CNIH3: variants seen among roughly 807,000 people sequenced by gnomAD.
The protein encoded by CNIH3 is protein cornichon homolog 3.
CNIH3 carries 14 observed loss-of-function variants against 24.1 expected under a neutral mutation model. That is an observed-to-expected ratio of 0.58 (90% CI 0.38 to 0.91). The LOEUF (loss-of-function observed/expected upper bound fraction) is 0.91. Ranked by LOEUF, CNIH3 falls within the 40% of genes least tolerant of loss-of-function variation. The probability of loss-of-function intolerance (pLI) is 0.00; values close to 1 mark genes in which losing one functional copy is unlikely to be tolerated. For synonymous variants in CNIH3, 68 were observed against 73.8 expected, an observed-to-expected ratio of 0.92 and a Z score of 0.40; for missense variants, 178 against 196.8, an observed-to-expected ratio of 0.90 and a Z score of 0.57.
intron 3 of CNIH3, among the ~76,000 whole-genome samples, chr1:224,557,586 C>T (rs1223553454): frequency 1.3e-5 from 2 of 152,128 alleles, no homozygotes; most frequent in African/African-American, 4.8e-5. Flanking sequence ...CTGCCTCAGC[C>T]TCCGGGACTA....
chr1:224,612,152 C>T (rs937440539), upstream of CNIH3, among the ~76,000 whole-genome samples: 1 of 152,152 alleles, frequency 6.6e-6, no homozygotes, highest in Non-Finnish European at 1.5e-5. The surrounding 1 kb of genome is among the most constrained non-coding windows in gnomAD (Gnocchi z 4.7). Flanking sequence ...CTAGTGAATT[C>T]AGACCGGTTC....
chr1:224,600,302 G>C (rs987881512), intron 3 of CNIH3, among the ~76,000 whole-genome samples: 7 of 151,084 alleles, frequency 4.6e-5, no homozygotes, highest in African/African-American at 1.7e-4. Context: ...TGATTCTCCT[G>C]CCTCAGCCTC....
chr1:224,520,803 T>C (rs747022256), intron 1 of CNIH3, among the ~76,000 whole-genome samples: 5 of 152,164 alleles, frequency 3.3e-5, no homozygotes, highest in Non-Finnish European at 5.9e-5. Flanking sequence ...CTCATGTGTG[T>C]TTATGGAGAA....
At chr1:224,694,291 G>A (rs533785324) in intron 3 of CNIH3, among the ~76,000 whole-genome samples, 2 of 152,324 alleles carry the variant, frequency 1.3e-5, no homozygotes, top group South Asian at 4.1e-4. Flanking sequence ...ATGAATGTGG[G>A]GCCGTCACAA....
At chr1:224,605,782 A>G (rs2125045891) in intron 3 of CNIH3, among the ~76,000 whole-genome samples, 1 of 152,104 alleles carries the variant, frequency 6.6e-6, no homozygotes, top group East Asian at 1.9e-4. Flanking sequence ...CTCCCCTACT[A>G]ATCAGCATTT....
At chr1:224,605,823 A>G (rs185286907) in intron 3 of CNIH3, among the ~76,000 whole-genome samples, 7 of 152,170 alleles carry the variant, frequency 4.6e-5, no homozygotes, top group South Asian at 2.1e-4. Flanking sequence ...CCACCAAACT[A>G]TCTTTGAAAA....
chr1:224,572,613 A>G (rs1470528403), intron 4 of CNIH3, among the ~76,000 whole-genome samples: 2 of 149,846 alleles, frequency 1.3e-5, no homozygotes, highest in Non-Finnish European at 3.0e-5. Flanking sequence ...TGATCCCTTG[A>G]TGAATTTTAG....
chr1:224,672,680 T>C (rs1317043648), intron 1 of CNIH3, among the ~76,000 whole-genome samples: 1 of 152,246 alleles, frequency 6.6e-6, no homozygotes, highest in Non-Finnish European at 1.5e-5. Context: ...CCATCTTTTC[T>C]AATTACACCT....
intron 3 of CNIH3, among the ~76,000 whole-genome samples, chr1:224,561,455 C>T (rs534082090): frequency 6.6e-6 from 1 of 152,274 alleles, no homozygotes; most frequent in African/African-American, 2.4e-5. Flanking sequence ...ACTTGAGAAG[C>T]TATCTTTTCC....
At chr1:224,494,028 T>G (rs941466261) in intron 1 of CNIH3, among the ~76,000 whole-genome samples, 8 of 152,218 alleles carry the variant, frequency 5.3e-5, no homozygotes, top group African/African-American at 1.7e-4. Flanking sequence ...ATGTGGTTCT[T>G]CAAATTAACT....
chr1:224,489,942 C>T (rs960638456), intron 1 of CNIH3, among the ~76,000 whole-genome samples: 5 of 152,132 alleles, frequency 3.3e-5, no homozygotes, highest in African/African-American at 1.2e-4. Flanking sequence ...ATTGCCTAAT[C>T]GTCACACTAG....
chr1:224,546,991 A>T (rs914959392), intron 3 of CNIH3: 5 of 796,592 alleles, frequency 6.3e-6, no homozygotes, highest in Non-Finnish European at 7.6e-6. Flanking sequence ...TTGAAGTAGT[A>T]ATTGGTAGTG....
intron 1 of CNIH3, among the ~76,000 whole-genome samples, chr1:224,498,662 T>C (rs1677530407): frequency 1.3e-5 from 2 of 152,156 alleles, no homozygotes; most frequent in South Asian, 2.1e-4. Context: ...AATGAAACAG[T>C]CAGTTTGGAA....
intron 1 of CNIH3, among the ~76,000 whole-genome samples, chr1:224,673,154 A>G (rs886855147): frequency 6.6e-6 from 1 of 152,190 alleles, no homozygotes; most frequent in Non-Finnish European, 1.5e-5. Context: ...TTTCACACTG[A>G]TCAACCTGTA....
chr1:224,547,175 A>G (rs1679734832), intron 3 of CNIH3, among the ~76,000 whole-genome samples: 1 of 152,208 alleles, frequency 6.6e-6, no homozygotes, highest in Non-Finnish European at 1.5e-5. Flanking sequence ...GGGGAAGAAT[A>G]AAGAGGGCCC....
rs1315263971 is a variant in CNIH3, at chr1:224,617,137, C to A, written c.-38C>A. On this transcript the variant is annotated 5_prime_UTR_variant, in exon 1 of 6. Transcript: ENST00000272133. ...TAGGGAGGCATCGGGCTCCTAGGGGCTTCTTGGCGTGTGTGGTGGGATTGG... is the reference window on the plus strand; with the variant it reads ...TAGGGAGGCATCGGGCTCCTAGGGGATTCTTGGCGTGTGTGGTGGGATTGG... The A allele has an allele frequency of 1.2e-6, 2 of 1,610,160 alleles. No individual in the cohort carries two copies. Among genetic ancestry groups the A allele is most frequent in the Non-Finnish European group, 1.7e-6 (2 of 1,178,272 alleles).
intron 3 of CNIH3, among the ~76,000 whole-genome samples, chr1:224,713,669 A>G (rs530336953): frequency 1.3e-5 from 2 of 152,346 alleles, no homozygotes; most frequent in East Asian, 1.9e-4. Context: ...CAAGCAGCTT[A>G]TATACATATA....
At chr1:224,671,502 A>T (rs1004367169) in intron 1 of CNIH3, among the ~76,000 whole-genome samples, 1 of 152,208 alleles carries the variant, frequency 6.6e-6, no homozygotes. Context: ...GCATGGCCCA[A>T]TGGAGGAAGC....
At chr1:224,688,616 C>T (rs1367529323) in intron 3 of CNIH3, among the ~76,000 whole-genome samples, 4 of 152,078 alleles carry the variant, frequency 2.6e-5, no homozygotes, top group East Asian at 1.9e-4. Flanking sequence ...CAGTACTGTC[C>T]GTGACATACT....
Sources: allele counts gnomAD v4.1 joint callset (sites outside exome capture counted in the v4.1 genomes callset), GRCh38; gene constraint gnomAD v4.1.1; non-coding constraint Gnocchi (gnomAD v3.1); transcripts MANE v1.5; gene names NCBI Gene and HGNC (gene_info 2026-07-23, HGNC 2026-07-21).